The following RBMS1 variants were observed in gnomAD, a reference collection of about 807,000 sequenced individuals.
The protein encoded by RBMS1 is RNA binding motif single stranded interacting protein 1, also known as RNA-binding motif, single-stranded-interacting protein 1.
In RBMS1, 17 loss-of-function variants were observed where a neutral mutation model predicts 62.3. That is an observed-to-expected ratio of 0.27 (90% CI 0.19 to 0.41). RBMS1 has a LOEUF of 0.41. Ranked by LOEUF, RBMS1 falls within the 10% of genes least tolerant of loss-of-function variation. The pLI, the probability that RBMS1 is intolerant of heterozygous loss-of-function variation, is 1.00. For missense variants in RBMS1, 334 were observed against 504.5 expected, an observed-to-expected ratio of 0.66 and a Z score of 3.24; for synonymous variants, 172 against 170.0, an observed-to-expected ratio of 1.01 and a Z score of -0.09.
At chr2:160,385,784 T>C (rs12998587) in intron 1 of RBMS1, among the ~76,000 whole-genome samples, 104,959 of 152,038 alleles carry the variant, frequency 0.69, 36,802 homozygotes, top group East Asian at 0.88. Flanking sequence ...CTACATTTTT[T>C]GGTAAGATTA....
In RBMS1 at chr2:160,274,525, T is replaced by C. The variant is rs1452696330; in HGVS notation, c.*247A>G. ...ATAAAAATCTTTTGTTTTTGTTTTT[T>C]GTTTTTTTTTTTTTACTAAAATAAA... On this transcript the variant is annotated 3_prime_UTR_variant, in exon 14 of 14. Transcript: ENST00000348849. The C allele has an allele frequency of 7.6e-6, 1 of 131,672 alleles. No homozygotes were observed. Among genetic ancestry groups the C allele is most frequent in the Non-Finnish European group, 1.6e-5 (1 of 60,914 alleles). 8.2% of individuals were successfully genotyped at this position (131,672 alleles called of 1,614,324 possible). A position where few individuals can be genotyped will look rare whatever the true frequency, so the allele number is the denominator to read the frequency against.
rs528983834 is a variant in RBMS1, at chr2:160,363,012, A to G, written c.251+4204T>C. On this transcript the variant is annotated intron_variant, in intron 2 of 13. Coordinates refer to ENST00000348849, the MANE Select transcript of RBMS1 (RefSeq NM_016836.4). ...ATTCTAGCAGAATTTCAAGGATGGA[A>G]GAAACAAGAGATACTAATATTTGTT... 1.2e-4 allele frequency among the ~76,000 whole-genome samples: 19 copies of G among 152,356 alleles called. No homozygotes were observed. In the South Asian group the frequency reaches 3.9e-3, roughly 32 times the overall value.
intron 1 of RBMS1, among the ~76,000 whole-genome samples, chr2:160,435,943 G>A (rs1022752314): frequency 1.3e-5 from 2 of 152,140 alleles, no homozygotes; most frequent in African/African-American, 2.4e-5. Context: ...AGGCAGTTTT[G>A]ATAAGCATTA....
chr2:160,436,441 G>A (rs1254296293), intron 1 of RBMS1, among the ~76,000 whole-genome samples: 1 of 152,208 alleles, frequency 6.6e-6, no homozygotes, highest in African/African-American at 2.4e-5. Context: ...GCTGAATGCA[G>A]CCCACTGCCT....
chr2:160,409,466 T>C (rs546631296), intron 1 of RBMS1, among the ~76,000 whole-genome samples: 2 of 152,344 alleles, frequency 1.3e-5, no homozygotes, highest in East Asian at 3.9e-4. Context: ...TGCTACTCCA[T>C]GCATAAGACA....
intron 1 of RBMS1, among the ~76,000 whole-genome samples, chr2:160,428,556 A>G (rs1219269833): frequency 1.3e-5 from 2 of 152,072 alleles, no homozygotes; most frequent in African/African-American, 4.8e-5. Flanking sequence ...ATCCCTGGCC[A>G]TTTTCCTACT....
intron 1 of RBMS1, among the ~76,000 whole-genome samples, chr2:160,477,094 C>A (rs1203536320): frequency 1.3e-5 from 2 of 152,000 alleles, no homozygotes; most frequent in Non-Finnish European, 2.9e-5. Flanking sequence ...TAAGAAGAAG[C>A]AAAAATCAAA....
chr2:160,493,521 G>T lies in RBMS1; in HGVS notation c.-158C>A. 1.6e-6 allele frequency: 1 copy of T among 621,538 alleles called. No individual in the cohort carries two copies. The highest frequency in any genetic ancestry group is 2.8e-6 in the Non-Finnish European group (1 of 351,984). 38.5% of individuals were successfully genotyped at this position (621,538 alleles called of 1,614,324 possible). The stretch of plus-strand genomic sequence containing the variant: ...CTCCACCTCCCAGCCGGGACCAGAC[G>T]TCCTCCTCCTCCTCCTCCTCTTCCT... On this transcript the variant is annotated 5_prime_UTR_variant, in exon 1 of 14. Coordinates refer to ENST00000348849, the MANE Select transcript of RBMS1 (RefSeq NM_016836.4).
intron 2 of RBMS1, among the ~76,000 whole-genome samples, chr2:160,326,413 G>A (rs1221845125): frequency 6.6e-6 from 1 of 152,160 alleles, no homozygotes; most frequent in East Asian, 1.9e-4. Context: ...AACATAGAGG[G>A]AAGGTCAAGT....
At chr2:160,449,908 C>T (rs1014613310) in intron 1 of RBMS1, among the ~76,000 whole-genome samples, 1 of 152,080 alleles carries the variant, frequency 6.6e-6, no homozygotes, top group African/African-American at 2.4e-5. Context: ...TCCCCTTCAC[C>T]AAAGCTCATT....
At chr2:160,465,185 A>G (rs1290616155) in intron 1 of RBMS1, among the ~76,000 whole-genome samples, 2 of 152,196 alleles carry the variant, frequency 1.3e-5, no homozygotes, top group Non-Finnish European at 2.9e-5. Flanking sequence ...TGACAAAAGC[A>G]TGTGATGTGG....
At chr2:160,340,916 G>A (rs1691835055) in intron 2 of RBMS1, among the ~76,000 whole-genome samples, 1 of 152,122 alleles carries the variant, frequency 6.6e-6, no homozygotes, top group South Asian at 2.1e-4. Context: ...TATAGACAGT[G>A]TCATACACCA....
intron 1 of RBMS1, among the ~76,000 whole-genome samples, chr2:160,476,855 A>C (rs1361107867): frequency 3.3e-5 from 5 of 152,296 alleles, no homozygotes; most frequent in Admixed American, 2.0e-4. Flanking sequence ...CGCCCGGCCC[A>C]AAACACACTT....
chr2:160,304,568 A>C (rs1689396018), intron 4 of RBMS1, among the ~76,000 whole-genome samples: 1 of 152,136 alleles, frequency 6.6e-6, no homozygotes, highest in African/African-American at 2.4e-5. Context: ...ATAGAGATGA[A>C]AACTTCCTAT....
intron 1 of RBMS1, among the ~76,000 whole-genome samples, chr2:160,377,828 A>G (rs1290296812): frequency 2.0e-5 from 3 of 152,250 alleles, no homozygotes; most frequent in African/African-American, 7.2e-5. Context: ...ACCTGAGGCC[A>G]GGAGAAGTCA....
In RBMS1 at chr2:160,390,322, A is replaced by C. The variant is rs932701005; in HGVS notation, c.76-22931T>G. 5.3e-5 allele frequency among the ~76,000 whole-genome samples: 8 copies of C among 152,300 alleles called. No homozygotes were observed. The Middle Eastern group carries it at 0.014, about 259-fold the overall frequency. ...AGAAGAGAGGGACACAAACTTGAAG[A>C]TAGGACGCTGTAGTTCTGTGGCCAG... On this transcript the variant is annotated intron_variant, in intron 1 of 13. Coordinates refer to ENST00000348849, the MANE Select transcript of RBMS1 (RefSeq NM_016836.4).
At chr2:160,364,039 A>G (rs1693268077) in intron 2 of RBMS1, among the ~76,000 whole-genome samples, 1 of 152,230 alleles carries the variant, frequency 6.6e-6, no homozygotes, top group South Asian at 2.1e-4. Context: ...TCATCCATCT[A>G]AACAGTCTGC....
chr2:160,442,418 A>T (rs943637071), intron 1 of RBMS1, among the ~76,000 whole-genome samples: 1 of 152,218 alleles, frequency 6.6e-6, no homozygotes, highest in Admixed American at 6.5e-5. Context: ...TATCCAGTGT[A>T]TTTGAAATCT....
chr2:160,439,927 C>T (rs1399557418), intron 1 of RBMS1, among the ~76,000 whole-genome samples: 50 of 152,094 alleles, frequency 3.3e-4, no homozygotes, highest in African/African-American at 1.2e-3. Flanking sequence ...TGGCGGCGCG[C>T]GCCTGCAATC....
Sources: gnomAD v4.1 joint callset for allele counts (sites outside exome capture counted in the v4.1 genomes callset) on GRCh38, gnomAD v4.1.1 for gene constraint, MANE v1.5 for transcripts, NCBI Gene and HGNC (gene_info 2026-07-23, HGNC 2026-07-21) for gene names.